Variants in TCF12 observed in about 807,000 individuals in gnomAD.
TCF12 encodes transcription factor 12, also known as DNA-binding protein HTF4.
In TCF12, 45 loss-of-function variants were observed where a neutral mutation model predicts 86.0. The ratio of observed to expected loss-of-function variants is 0.52; its 90% confidence interval spans 0.41 to 0.67. TCF12 has a LOEUF of 0.67. TCF12 is among the 30% of genes least tolerant of loss of function. The pLI is 0.00. For synonymous variants in TCF12, 330 were observed against 299.6 expected (o/e 1.10, Z -1.05); for missense variants, 881 against 859.9 (o/e 1.02, Z -0.31).
At chr15:57,220,661 A>T (rs1306382482) in intron 8 of TCF12, among the ~76,000 whole-genome samples, 2 of 151,036 alleles carry the variant, frequency 1.3e-5, no homozygotes, top group Non-Finnish European at 2.9e-5. Context: ...CTGTGTTTCT[A>T]CAAAAAAATC....
At chr15:57,262,766 A>G (rs1269294890) in intron 17 of TCF12, among the ~76,000 whole-genome samples, 1 of 152,198 alleles carries the variant, frequency 6.6e-6, no homozygotes, top group Non-Finnish European at 1.5e-5. Context: ...TTATCCAGGA[A>G]GATGTTAAGC....
intron 3 of TCF12, among the ~76,000 whole-genome samples, chr15:56,995,296 GT>G (rs1409996043): frequency 1.2e-5 from 1 of 83,270 alleles, no homozygotes; most frequent in Non-Finnish European, 2.4e-5. Context: ...CTCTTTTTGG[GT>G]TCAATTTGAA....
chr15:57,168,316 A>G lies in TCF12; in HGVS notation c.390+1850A>G, dbSNP rs185319867. Reference sequence around the variant, plus strand: ...AGTTAAAAATTGCAGAGAACCACAGAATATAAGTGCTTATTCAGATCACAG... The same window carrying G: ...AGTTAAAAATTGCAGAGAACCACAGGATATAAGTGCTTATTCAGATCACAG... On this transcript the variant is annotated intron_variant, in intron 6 of 20. Coordinates refer to ENST00000333725, the MANE Select transcript of TCF12 (RefSeq NM_207037.2). Among the ~76,000 whole-genome samples, 120 of 152,346 alleles carry G rather than the reference A, an allele frequency of 7.9e-4. 1 individual carries two copies. The highest frequency in any genetic ancestry group is 4.3e-3 in the Admixed American group (66 of 15,306).
intron 5 of TCF12, among the ~76,000 whole-genome samples, chr15:57,108,868 TGTC>T (rs1347254647): frequency 6.6e-6 from 1 of 152,244 alleles, no homozygotes; most frequent in African/African-American, 2.4e-5. Flanking sequence ...TCCTCTGTGT[TGTC>T]AAAAATTTTA....
intron 6 of TCF12, among the ~76,000 whole-genome samples, chr15:57,176,816 A>G (rs1337130490): frequency 1.3e-5 from 2 of 152,208 alleles, no homozygotes; most frequent in South Asian, 2.1e-4. Context: ...GCAGTAAGTA[A>G]TAAGGGAATG....
chr15:57,256,981 G>A (rs2060376502), intron 16 of TCF12, among the ~76,000 whole-genome samples: 1 of 152,194 alleles, frequency 6.6e-6, no homozygotes, highest in African/African-American at 2.4e-5. Flanking sequence ...TAAAGGGCCA[G>A]AGAGTAAATA....
At chr15:57,245,052 A>G (rs949609882) in intron 13 of TCF12, among the ~76,000 whole-genome samples, 2 of 152,312 alleles carry the variant, frequency 1.3e-5, no homozygotes, top group East Asian at 3.9e-4. Context: ...AAGTTACCAT[A>G]TTCCTCCAAC....
At chr15:57,142,445 T>C (rs1238194007) in intron 5 of TCF12, among the ~76,000 whole-genome samples, 1 of 152,256 alleles carries the variant, frequency 6.6e-6, no homozygotes, top group African/African-American at 2.4e-5. Flanking sequence ...CATCTTGTTA[T>C]TCTGGAAAGG....
chr15:57,156,583 T>G (rs1316399440), intron 5 of TCF12, among the ~76,000 whole-genome samples: 1 of 152,228 alleles, frequency 6.6e-6, no homozygotes, highest in South Asian at 2.1e-4. Context: ...ATACACTATT[T>G]TAGAGCACAG....
At chr15:57,218,958 G>C in intron 8 of TCF12, 3 of 880,852 alleles carry the variant, frequency 3.4e-6, no homozygotes, top group Non-Finnish European at 4.1e-6. Flanking sequence ...AGATTTAACT[G>C]TCTAGATCCT....
chr15:57,173,538 A>G (rs1406489972), intron 6 of TCF12, among the ~76,000 whole-genome samples: 1 of 152,180 alleles, frequency 6.6e-6, no homozygotes, highest in Admixed American at 6.5e-5. Flanking sequence ...ACAAATTACC[A>G]GAATCTGGAA....
chr15:57,252,445 C>A lies in TCF12; in HGVS notation c.1213C>A (p.His405Asn). Residue 405 changes from histidine to asparagine, a missense_variant, in exon 15 of 21, where the codon CAC becomes AAC. Coordinates refer to ENST00000333725, the MANE Select transcript of TCF12 (RefSeq NM_207037.2). ...GAAAAATCGAGTTGAGCAGCAACTT[C>A]ACGAGCATTTGCAAGATGCAATGTC... Reference protein sequence around the residue: ...SLKNRVEQQLHEHLQDAMSFL... With the variant: ...SLKNRVEQQLNEHLQDAMSFL... The A allele has an allele frequency of 1.2e-6, 2 of 1,613,958 alleles. No individual in the cohort carries two copies. The highest frequency in any genetic ancestry group is 1.7e-6 in the Non-Finnish European group (2 of 1,179,892).
chr15:57,190,751 G>A (rs963124587), intron 6 of TCF12, among the ~76,000 whole-genome samples: 1 of 152,100 alleles, frequency 6.6e-6, no homozygotes, highest in South Asian at 2.1e-4. Flanking sequence ...GTCTCATAAT[G>A]TCACTGTAGC....
At chr15:57,272,926 A>G (rs1353015779) in intron 18 of TCF12, 104 bp from the exon 19 acceptor site, 3 of 1,063,372 alleles carry the variant, frequency 2.8e-6, no homozygotes, top group East Asian at 2.6e-5. Flanking sequence ...TACAAGATTT[A>G]TAGGTGGTTT....
At chr15:56,958,001 T>G (rs1010551429) in intron 3 of TCF12, among the ~76,000 whole-genome samples, 8 of 152,204 alleles carry the variant, frequency 5.3e-5, no homozygotes, top group South Asian at 4.1e-4. Flanking sequence ...CCAGTCTGGA[T>G]GTTGAGAATA....
At chr15:57,099,470 A>G (rs2049573902) in intron 5 of TCF12, among the ~76,000 whole-genome samples, 2 of 152,100 alleles carry the variant, frequency 1.3e-5, no homozygotes, top group African/African-American at 4.8e-5. Context: ...AAATATTTCA[A>G]AAATTAAAAT....
intron 8 of TCF12, among the ~76,000 whole-genome samples, chr15:57,208,890 A>T (rs2057984236): frequency 6.7e-6 from 1 of 149,910 alleles, no homozygotes; most frequent in African/African-American, 2.5e-5. Context: ...TACATTTTCT[A>T]TTTTTTGTAG....
intron 4 of TCF12, among the ~76,000 whole-genome samples, chr15:57,090,125 G>A (rs1232931805): frequency 6.6e-6 from 1 of 152,052 alleles, no homozygotes; most frequent in Non-Finnish European, 1.5e-5. Flanking sequence ...GCCTGAGGTG[G>A]GAGGATCACT....
rs894908102 is a variant in TCF12, at chr15:57,248,102, C to G, written c.1115-3248C>G. 3.4e-5 allele frequency: 24 copies of G among 702,426 alleles called. No individual in the cohort carries two copies. The East Asian group carries it at 6.2e-4, about 18-fold the overall frequency. The allele number at this position is 702,426 out of a possible 1,614,324, so 43.5% of individuals were successfully genotyped here. On this transcript the variant is annotated intron_variant, in intron 13 of 20. Transcript: ENST00000333725. ...CTCAAGTTCAGTATCCCATCTCTTT[C>G]TTTTGAGAGTCTTTTAAAAATTATT...
Sources: gnomAD v4.1 joint callset for allele counts (sites outside exome capture counted in the v4.1 genomes callset) on GRCh38, gnomAD v4.1.1 for gene constraint, MANE v1.5 for transcripts, NCBI Gene and HGNC (gene_info 2026-07-23, HGNC 2026-07-21) for gene names.